MAF: variants seen among roughly 807,000 people sequenced by gnomAD.
MAF encodes the protein transcription factor Maf.
MAF carries 10 observed loss-of-function variants against 22.0 expected under a neutral mutation model. The ratio of observed to expected loss-of-function variants is 0.45; its 90% CI spans 0.28 to 0.77. The LOEUF (loss-of-function observed/expected upper bound fraction) is 0.77. Ranked by LOEUF, MAF falls within the 30% of genes least tolerant of loss-of-function variation. The pLI, the probability that MAF is intolerant of heterozygous loss-of-function variation, is 0.12. For missense variants in MAF, 544 were observed against 548.4 expected, an observed-to-expected ratio of 0.99 and a Z score of 0.08; for synonymous variants, 337 against 255.8, an observed-to-expected ratio of 1.32 and a Z score of -3.03.
At chr16:79,575,378 C>T in the MAF span, among the ~76,000 whole-genome samples, 1 of 152,146 alleles carries the variant, frequency 6.6e-6, no homozygotes, top group African/African-American at 2.4e-5. Flanking sequence ...GCTATCTTTT[C>T]TGACAATTCC....
the MAF span, among the ~76,000 whole-genome samples, chr16:79,394,023 A>C: frequency 6.6e-6 from 1 of 152,190 alleles, no homozygotes; most frequent in African/African-American, 2.4e-5. Flanking sequence ...AAAGCACCCT[A>C]TTTCACAGAA....
chr16:79,370,393 T>C, the MAF span, among the ~76,000 whole-genome samples: 1 of 152,142 alleles, frequency 6.6e-6, no homozygotes, highest in Admixed American at 6.5e-5. Context: ...GGGTGGTCCT[T>C]TGCCTATGAC....
chr16:79,327,461 TC>T, the MAF span, among the ~76,000 whole-genome samples: 9 of 152,138 alleles, frequency 5.9e-5, no homozygotes, highest in Admixed American at 2.6e-4. Context: ...GATGGCAGTG[TC>T]CATGCACGGA....
chr16:79,403,071 GA>G, the MAF span, among the ~76,000 whole-genome samples: 4 of 152,182 alleles, frequency 2.6e-5, no homozygotes, highest in African/African-American at 9.6e-5. Flanking sequence ...TGATGTGGCA[GA>G]TGACTTCACC....
chr16:79,280,662 C>T, the MAF span, among the ~76,000 whole-genome samples: 1 of 152,144 alleles, frequency 6.6e-6, no homozygotes, highest in African/African-American at 2.4e-5. Context: ...TATTCACACT[C>T]CAGGGCCCCT....
At chr16:79,307,808 C>G in the MAF span, among the ~76,000 whole-genome samples, 1 of 152,166 alleles carries the variant, frequency 6.6e-6, no homozygotes, top group Non-Finnish European at 1.5e-5. Flanking sequence ...GCTAGAATGA[C>G]AGTCACTGTG....
the MAF span, among the ~76,000 whole-genome samples, chr16:79,540,389 A>T: frequency 6.6e-6 from 1 of 152,062 alleles, no homozygotes; most frequent in Non-Finnish European, 1.5e-5. Flanking sequence ...ATGAGAACCA[A>T]ACAAACCTGA....
At chr16:79,519,030 C>A in the MAF span, among the ~76,000 whole-genome samples, 1 of 152,212 alleles carries the variant, frequency 6.6e-6, no homozygotes, top group South Asian at 2.1e-4. Flanking sequence ...AAGAGCCATG[C>A]ATCTATCACA....
intron 1 of MAF, chr16:79,598,450 G>C: frequency 1.0e-6 from 1 of 958,724 alleles, no homozygotes; most frequent in Non-Finnish European, 1.4e-6. Context: ...TGGGGCGGGG[G>C]GGTGTAAAAA....
At chr16:79,564,240 C>T in the MAF span, among the ~76,000 whole-genome samples, 2,377 of 152,284 alleles carry the variant, frequency 0.016, 26 homozygotes, top group East Asian at 0.042. Context: ...CAGGAGAAGA[C>T]GGAAGGAGTA....
chr16:79,442,379 A>G, the MAF span, among the ~76,000 whole-genome samples: 1 of 150,168 alleles, frequency 6.7e-6, no homozygotes, highest in African/African-American at 2.4e-5. Context: ...TTATTTATTT[A>G]TTTTATTTTA....
the MAF span, among the ~76,000 whole-genome samples, chr16:79,511,006 C>T: frequency 6.6e-6 from 1 of 152,214 alleles, no homozygotes; most frequent in Admixed American, 6.5e-5. Flanking sequence ...ACCTGGCCCC[C>T]TGCACCTAGA....
chr16:79,429,144 G>A, the MAF span, among the ~76,000 whole-genome samples: 1 of 152,184 alleles, frequency 6.6e-6, no homozygotes, highest in Non-Finnish European at 1.5e-5. Flanking sequence ...ATCCGTGGGA[G>A]GGCTACCTTG....
At chr16:79,239,407 C>A in the MAF span, among the ~76,000 whole-genome samples, 1 of 152,032 alleles carries the variant, frequency 6.6e-6, no homozygotes, top group Non-Finnish European at 1.5e-5. Context: ...GGTTATCCAA[C>A]TTGAGGCTGT....
At chr16:79,449,408 T>G in the MAF span, among the ~76,000 whole-genome samples, 1 of 152,204 alleles carries the variant, frequency 6.6e-6, no homozygotes, top group East Asian at 1.9e-4. Flanking sequence ...CTGTATTTGC[T>G]TTATTGTGGT....
chr16:79,573,227 G>C, the MAF span, among the ~76,000 whole-genome samples: 1 of 152,114 alleles, frequency 6.6e-6, no homozygotes, highest in African/African-American at 2.4e-5. Flanking sequence ...TATTTTTGTT[G>C]TGTTTTTGTT....
downstream of MAF, among the ~76,000 whole-genome samples, chr16:79,592,025 T>C (rs1289856136): frequency 6.6e-6 from 1 of 152,252 alleles, no homozygotes; most frequent in Non-Finnish European, 1.5e-5. Context: ...ACACTAGGTC[T>C]GACGTTAGCC....
At chr16:79,292,635 G>C in the MAF span, among the ~76,000 whole-genome samples, 1 of 152,172 alleles carries the variant, frequency 6.6e-6, no homozygotes, top group Non-Finnish European at 1.5e-5. Context: ...GTCACAATGA[G>C]GTTGAGACCT....
chr16:79,564,464 G>A, the MAF span, among the ~76,000 whole-genome samples: 1 of 152,178 alleles, frequency 6.6e-6, no homozygotes, highest in East Asian at 1.9e-4. Flanking sequence ...TGGGCACACT[G>A]GTTTACTTAG....
Sources: allele counts gnomAD v4.1 joint callset (sites outside exome capture counted in the v4.1 genomes callset), GRCh38; gene constraint gnomAD v4.1.1; transcripts MANE v1.5; gene names NCBI Gene and HGNC (gene_info 2026-07-23, HGNC 2026-07-21).